SKAP1: variants seen among roughly 807,000 people sequenced by gnomAD.
SKAP1 encodes the protein src kinase-associated phosphoprotein 1.
SKAP1 carries 44 observed loss-of-function variants against 58.5 expected under a neutral mutation model. The observed-to-expected ratio is 0.75, with a 90% CI of 0.59 to 0.97. SKAP1 has a LOEUF of 0.97. Among genes scored for constraint, SKAP1 ranks in the 50% least tolerant of loss-of-function variants. The pLI is 0.00. For missense variants in SKAP1, 390 were observed against 435.2 expected, an observed-to-expected ratio of 0.90 and a Z score of 0.92; for synonymous variants, 127 against 149.7, an observed-to-expected ratio of 0.85 and a Z score of 1.11.
rs17693776 is a variant in SKAP1 at position 48,244,795 on chromosome 17, A to G, written c.281-55295T>C. Among the ~76,000 whole-genome samples, 905 of 152,326 alleles carry G rather than the reference A, an allele frequency of 5.9e-3. 9 individuals carry two copies. Among genetic ancestry groups the G allele is most frequent in the African/African-American group, 0.019 (784 of 41,576 alleles). On this transcript the variant is annotated intron_variant, in intron 4 of 12. Transcript: ENST00000336915. ...GTTCACAGGGAAAATGAGTCAAATA[A>G]TTAGTTAAAACTTATATTTACATCC... is the stretch of plus-strand genomic sequence containing the variant.
Position 48,180,021 on chromosome 17 carries a change from A to G in SKAP1, c.826+33T>C, listed in dbSNP as rs2064346379. 4.6e-6 allele frequency: 7 copies of G among 1,527,986 alleles called. No individual in the cohort carries two copies. In the African/African-American group the frequency reaches 8.4e-5, roughly 18 times the overall value. 94.7% of individuals were successfully genotyped at this position (1,527,986 alleles called of 1,614,324 possible). A position where few individuals can be genotyped will look rare whatever the true frequency, so the allele number is the denominator to read the frequency against. ...CACCAGGTCATGAATTTCTGAAACT[A>G]GCATAAGATAATCAGAGGACAAAAT... On this transcript the variant is annotated intron_variant, in intron 9 of 12. Transcript: ENST00000336915.
intron 9 of SKAP1, among the ~76,000 whole-genome samples, chr17:48,179,481 G>C (rs1034315188): frequency 6.6e-6 from 1 of 152,150 alleles, no homozygotes; most frequent in African/African-American, 2.4e-5. Context: ...TAGACCTGCT[G>C]TAATGATGAG....
intron 6 of SKAP1, 80 bp from the exon 7 acceptor site, chr17:48,184,927 A>AT: frequency 7.1e-7 from 1 of 1,411,580 alleles, no homozygotes. Context: ...ATGTAAAATA[A>AT]AAGCACAGAA....
At chr17:48,219,367 CT>C (rs2064975807) in intron 4 of SKAP1, among the ~76,000 whole-genome samples, 2 of 152,178 alleles carry the variant, frequency 1.3e-5, no homozygotes, top group Non-Finnish European at 2.9e-5. Context: ...ATCCACAAAC[CT>C]TTTTGAAACT....
intron 4 of SKAP1, among the ~76,000 whole-genome samples, chr17:48,316,140 C>T (rs1201401833): frequency 6.6e-6 from 1 of 152,098 alleles, no homozygotes; most frequent in African/African-American, 2.4e-5. Flanking sequence ...TTATATTATG[C>T]CAGTCTGTTG....
Position 48,192,287 on chromosome 17 carries a change from G to GT in SKAP1, c.281-2788dup, listed in dbSNP as rs1195463423. Among the ~76,000 whole-genome samples, 203 of 149,452 alleles carry GT rather than the reference G, an allele frequency of 1.4e-3. 1 individual carries two copies. Among genetic ancestry groups the GT allele is most frequent in the African/African-American group, 3.1e-3 (126 of 40,770 alleles). Reference sequence around the variant, plus strand: ...GAGTTTCCATCTCTTCTTTCCACAGGTTTTTTTTTTCTTTTCTTTTTAAAG... The same window carrying GT: ...GAGTTTCCATCTCTTCTTTCCACAGGTTTTTTTTTTTCTTTTCTTTTTAAAG... On this transcript the variant is annotated intron_variant, in intron 4 of 12. Coordinates refer to ENST00000336915, the MANE Select transcript of SKAP1 (RefSeq NM_003726.4).
chr17:48,329,388 G>A (rs770609397), intron 4 of SKAP1, among the ~76,000 whole-genome samples: 2 of 152,046 alleles, frequency 1.3e-5, no homozygotes, highest in Non-Finnish European at 2.9e-5. Context: ...CTTTTACCAG[G>A]GCACACAAAA....
At chr17:48,402,128 T>C (rs1000521694) in intron 1 of SKAP1, among the ~76,000 whole-genome samples, 1 of 152,186 alleles carries the variant, frequency 6.6e-6, no homozygotes, top group African/African-American at 2.4e-5. Context: ...ATGAATGTTG[T>C]TGAAAATGTA....
chr17:48,191,808 T>C (rs2064548958), intron 4 of SKAP1, among the ~76,000 whole-genome samples: 1 of 152,226 alleles, frequency 6.6e-6, no homozygotes, highest in Non-Finnish European at 1.5e-5. Context: ...GCAAACTATG[T>C]GGTTGCCATA....
At chr17:48,191,179 T>C (rs1199853535) in intron 4 of SKAP1, among the ~76,000 whole-genome samples, 1 of 152,076 alleles carries the variant, frequency 6.6e-6, no homozygotes, top group Non-Finnish European at 1.5e-5. Flanking sequence ...GGTTTATACT[T>C]ACTTCACAGA....
At chr17:48,433,740 A>G (rs1360397578), upstream of SKAP1, among the ~76,000 whole-genome samples, 1 of 152,220 alleles carries the variant, frequency 6.6e-6, no homozygotes, top group Non-Finnish European at 1.5e-5. Context: ...ACATGCAGAA[A>G]ACACACCGCC....
At chr17:48,193,341 T>C (rs937145449) in intron 4 of SKAP1, among the ~76,000 whole-genome samples, 1 of 152,006 alleles carries the variant, frequency 6.6e-6, no homozygotes, top group Admixed American at 6.6e-5. Context: ...CCGCACCCGG[T>C]CTATGTTGCT....
intron 3 of SKAP1, among the ~76,000 whole-genome samples, chr17:48,355,093 T>C (rs1327192000): frequency 6.6e-6 from 1 of 152,190 alleles, no homozygotes; most frequent in East Asian, 1.9e-4. Context: ...CAAAGTCCCC[T>C]GGGCTAATCA....
At chr17:48,201,734 T>C (rs1461300461) in intron 4 of SKAP1, among the ~76,000 whole-genome samples, 2 of 152,170 alleles carry the variant, frequency 1.3e-5, no homozygotes, top group Non-Finnish European at 2.9e-5. Context: ...TGTTACAGCC[T>C]GATTGGCACA....
intron 7 of SKAP1, among the ~76,000 whole-genome samples, chr17:48,184,492 G>T (rs761093879): frequency 6.6e-6 from 1 of 152,188 alleles, no homozygotes; most frequent in Non-Finnish European, 1.5e-5. Context: ...AGAAGGGGAG[G>T]AATGAAGGAT....
chr17:48,419,924 C>T (rs538334275), intron 1 of SKAP1, among the ~76,000 whole-genome samples: 5 of 152,256 alleles, frequency 3.3e-5, no homozygotes, highest in African/African-American at 1.2e-4. Context: ...GGAAGACTTG[C>T]TATCTGGATG....
intron 8 of SKAP1, among the ~76,000 whole-genome samples, chr17:48,181,238 A>G (rs1196151280): frequency 2.0e-5 from 3 of 152,228 alleles, no homozygotes; most frequent in South Asian, 2.1e-4. Flanking sequence ...GGCTTAAACC[A>G]TATGTTATTA....
intron 3 of SKAP1, among the ~76,000 whole-genome samples, chr17:48,349,155 T>C (rs867049317): frequency 2.0e-5 from 3 of 152,240 alleles, no homozygotes; most frequent in African/African-American, 2.4e-5. Context: ...TGAAAAGTTT[T>C]ATAGAAGAAC....
chr17:48,440,744 A>C, the SKAP1 span, among the ~76,000 whole-genome samples: 1 of 152,220 alleles, frequency 6.6e-6, no homozygotes, highest in South Asian at 2.1e-4. Flanking sequence ...CACTGGTGTC[A>C]GTGCTGCCAG....
Sources: allele counts gnomAD v4.1 joint callset (sites outside exome capture counted in the v4.1 genomes callset), GRCh38; gene constraint gnomAD v4.1.1; transcripts MANE v1.5; gene names NCBI Gene and HGNC (gene_info 2026-07-23, HGNC 2026-07-21).